Variants in HDAC8 observed in about 807,000 individuals in gnomAD.
HDAC8 encodes histone deacetylase 8, also known as histone deacetylase-like 1.
HDAC8 carries 1 observed loss-of-function variant against 32.2 expected under a neutral mutation model. The observed-to-expected ratio is 0.03, with a 90% CI of 0.01 to 0.15. The LOEUF (loss-of-function observed/expected upper bound fraction) is 0.15. Ranked by LOEUF, HDAC8 falls within the 10% of genes least tolerant of loss-of-function variation. The pLI, the probability that HDAC8 is intolerant of heterozygous loss-of-function variation, is 1.00. For missense variants in HDAC8, 117 were observed against 300.0 expected (o/e 0.39, Z 4.51); for synonymous variants, 108 against 113.9 (o/e 0.95, Z 0.33).
At chrX:72,515,269 C>T (rs1556024279) in intron 4 of HDAC8, among the ~76,000 whole-genome samples, 2 of 111,272 alleles carry the variant, frequency 1.8e-5, no homozygotes, top group African/African-American at 6.5e-5. Context: ...TTAGATTTCA[C>T]ATATAAGTGA....
At chrX:72,559,914 C>G (rs1556114381) in intron 4 of HDAC8, among the ~76,000 whole-genome samples, 2 of 108,763 alleles carry the variant, frequency 1.8e-5, no homozygotes, top group Non-Finnish European at 3.8e-5. Context: ...CAGCCCCCAC[C>G]CCGCCAGCCG....
At chrX:72,519,840 T>C (rs2049927929) in intron 4 of HDAC8, among the ~76,000 whole-genome samples, 1 of 111,993 alleles carries the variant, frequency 8.9e-6, no homozygotes. Context: ...TCCATCTGCC[T>C]CAGCCTCCCA....
At chrX:72,402,000 A>G (rs1325346621) in intron 9 of HDAC8, among the ~76,000 whole-genome samples, 1 of 111,920 alleles carries the variant, frequency 8.9e-6, no homozygotes, top group Non-Finnish European at 1.9e-5. Flanking sequence ...CTTTGGTGGC[A>G]GGTTTTTTTT....
At chrX:72,330,658 C>T (rs180819168) in intron 10 of HDAC8, among the ~76,000 whole-genome samples, 19 of 111,022 alleles carry the variant, frequency 1.7e-4, no homozygotes, top group Admixed American at 4.8e-4. Flanking sequence ...GAAATCCTAC[C>T]GGACTGGGCT....
chrX:72,515,145 A>G (rs1051211753), intron 4 of HDAC8, among the ~76,000 whole-genome samples: 1 of 110,986 alleles, frequency 9.0e-6, no homozygotes, highest in Admixed American at 9.6e-5. Flanking sequence ...AGCTTTCCAG[A>G]ACGTATTCAT....
intron 10 of HDAC8, among the ~76,000 whole-genome samples, chrX:72,347,419 G>C (rs1555947364): frequency 1.8e-5 from 2 of 111,255 alleles, no homozygotes; most frequent in African/African-American, 6.6e-5. Context: ...CTGGGGAATA[G>C]TTCTGGGAAC....
intron 9 of HDAC8, among the ~76,000 whole-genome samples, chrX:72,380,514 C>A (rs1231404533): frequency 1.7e-4 from 19 of 111,857 alleles, no homozygotes; most frequent in African/African-American, 5.5e-4. Flanking sequence ...TCAAGGCTAC[C>A]ATTTCTACTT....
At chrX:72,428,382 G>A (rs781788635) in intron 9 of HDAC8, among the ~76,000 whole-genome samples, 21 of 112,379 alleles carry the variant, frequency 1.9e-4, no homozygotes, top group African/African-American at 5.5e-4. Flanking sequence ...GTGAGCCACC[G>A]CGCCCTGCCG....
intron 9 of HDAC8, among the ~76,000 whole-genome samples, chrX:72,395,585 G>C (rs1015350617): frequency 8.9e-6 from 1 of 112,167 alleles, no homozygotes; most frequent in East Asian, 2.8e-4. Context: ...AGGTAAGGGA[G>C]GTTATGTGAG....
chrX:72,547,057 C>T (rs1465586522), intron 4 of HDAC8, among the ~76,000 whole-genome samples: 1 of 111,310 alleles, frequency 9.0e-6, no homozygotes, highest in Non-Finnish European at 1.9e-5. Flanking sequence ...ATCATTCAAA[C>T]CTCTGGACAG....
intron 9 of HDAC8, among the ~76,000 whole-genome samples, chrX:72,392,072 C>G (rs2045625915): frequency 8.9e-6 from 1 of 111,955 alleles, no homozygotes; most frequent in Non-Finnish European, 1.9e-5. Context: ...CTTAACAAGG[C>G]TTTGCACATA....
At chrX:72,415,037 TTA>T (rs1453774912) in intron 9 of HDAC8, among the ~76,000 whole-genome samples, 1 of 112,419 alleles carries the variant, frequency 8.9e-6, no homozygotes, top group African/African-American at 3.2e-5. Context: ...GCAATATAGT[TTA>T]TATGTCTTTT....
intron 7 of HDAC8, among the ~76,000 whole-genome samples, chrX:72,479,417 G>T (rs1321452509): frequency 9.0e-6 from 1 of 111,406 alleles, no homozygotes; most frequent in Non-Finnish European, 1.9e-5. Context: ...TATGTTAAAG[G>T]GTGTAATTTT....
intron 9 of HDAC8, among the ~76,000 whole-genome samples, chrX:72,387,553 CCA>C (rs1311313223): frequency 2.7e-5 from 3 of 111,575 alleles, no homozygotes; most frequent in African/African-American, 9.8e-5. Context: ...AGCTCAGACT[CCA>C]GAGCCACCCT....
chrX:72,497,606 C>T (rs1321092064), intron 4 of HDAC8, among the ~76,000 whole-genome samples: 1 of 111,143 alleles, frequency 9.0e-6, no homozygotes. Flanking sequence ...TATATTCTTC[C>T]TCAACATAGA....
intron 9 of HDAC8, among the ~76,000 whole-genome samples, chrX:72,410,275 C>T (rs2046156069): frequency 9.1e-6 from 1 of 110,146 alleles, no homozygotes; most frequent in Non-Finnish European, 1.9e-5. Flanking sequence ...AAAGTGAAGC[C>T]ATAAAAAAAT....
intron 10 of HDAC8, among the ~76,000 whole-genome samples, chrX:72,339,542 T>G (rs1399914324): frequency 8.9e-6 from 1 of 111,839 alleles, no homozygotes; most frequent in Non-Finnish European, 1.9e-5. Context: ...CAGAGCAGGA[T>G]ATATAAAGCC....
At chrX:72,388,156 G>A (rs986986563) in intron 9 of HDAC8, among the ~76,000 whole-genome samples, 3 of 110,823 alleles carry the variant, frequency 2.7e-5, no homozygotes, top group Admixed American at 9.6e-5. Context: ...AATCTAGAAC[G>A]ATCTTGTGTT....
chrX:72,402,345 G>A (rs980388567), intron 9 of HDAC8, among the ~76,000 whole-genome samples: 2 of 105,446 alleles, frequency 1.9e-5, no homozygotes, highest in African/African-American at 6.8e-5. Flanking sequence ...CTATTTTCTA[G>A]TTCACTTATT....
Sources: gnomAD v4.1 joint callset for allele counts (sites outside exome capture counted in the v4.1 genomes callset) on GRCh38, gnomAD v4.1.1 for gene constraint, MANE v1.5 for transcripts, NCBI Gene and HGNC (gene_info 2026-07-23, HGNC 2026-07-21) for gene names.